PDZD2: variants seen among roughly 807,000 people sequenced by gnomAD.
The protein encoded by PDZD2 is PDZ domain-containing protein 2.
In PDZD2, 90 loss-of-function variants were observed where a neutral mutation model predicts 220.7. The ratio of observed to expected loss-of-function variants is 0.41; its 90% CI spans 0.34 to 0.49. The LOEUF (loss-of-function observed/expected upper bound fraction) is 0.49. Among genes scored for constraint, PDZD2 ranks in the 20% least tolerant of loss-of-function variants. The pLI is 0.28. For missense variants in PDZD2, 3,174 were observed against 3,608.5 expected (o/e 0.88, Z 3.08); for synonymous variants, 1,375 against 1,450.5 (o/e 0.95, Z 1.18).
intron 1 of PDZD2, among the ~76,000 whole-genome samples, chr5:31,795,368 A>G (rs1171620615): frequency 6.6e-6 from 1 of 152,242 alleles, no homozygotes; most frequent in African/African-American, 2.4e-5. Context: ...TCTCAGTAAC[A>G]GAAGCATTTA....
At chr5:31,988,038 C>G (rs1156704524) in intron 3 of PDZD2, among the ~76,000 whole-genome samples, 1 of 152,204 alleles carries the variant, frequency 6.6e-6, no homozygotes, top group Non-Finnish European at 1.5e-5. Flanking sequence ...TGGGCTGTCA[C>G]AGTACTCCCC....
intron 2 of PDZD2, among the ~76,000 whole-genome samples, chr5:31,934,738 TA>T (rs1355916848): frequency 3.3e-5 from 5 of 151,850 alleles, no homozygotes; most frequent in Admixed American, 6.6e-5. Flanking sequence ...ACAAGGCTCC[TA>T]GGGGAAAAAT....
At chr5:31,734,214 G>A (rs1269585335) in intron 1 of PDZD2, among the ~76,000 whole-genome samples, 1 of 152,138 alleles carries the variant, frequency 6.6e-6, no homozygotes, top group African/African-American at 2.4e-5. Context: ...GGGGGAAAGG[G>A]TGCAGGACTT....
chr5:31,840,425 TA>T (rs1475081686), intron 2 of PDZD2: 11,534 of 122,350 alleles, frequency 0.094, 1,534 homozygotes, highest in East Asian at 0.3. Context: ...TATATATATA[TA>T]TATATATATA....
At chr5:31,781,230 G>A (rs1274452577) in intron 1 of PDZD2, among the ~76,000 whole-genome samples, 2 of 152,164 alleles carry the variant, frequency 1.3e-5, no homozygotes, top group Admixed American at 1.3e-4. Flanking sequence ...CCTGGCCAAC[G>A]TGGTAAAACC....
At chr5:31,699,080 A>G (rs1410453973) in intron 1 of PDZD2, among the ~76,000 whole-genome samples, 1 of 152,168 alleles carries the variant, frequency 6.6e-6, no homozygotes, top group East Asian at 1.9e-4. Context: ...ATACGCTGCA[A>G]GCCCTGAGCT....
At chr5:32,040,404 C>G (rs913722465) in intron 7 of PDZD2, among the ~76,000 whole-genome samples, 3 of 145,570 alleles carry the variant, frequency 2.1e-5, no homozygotes, top group Non-Finnish European at 3.0e-5. Context: ...GGCCGCCACC[C>G]TGTCTAGGAA....
chr5:31,854,878 C>A (rs761839466), intron 2 of PDZD2: 397 of 659,802 alleles, frequency 6.0e-4, no homozygotes, highest in Non-Finnish European at 7.0e-4. Context: ...GCATTACAGG[C>A]TTTTCCTAAC....
chr5:31,838,222 T>C (rs1348684528), intron 2 of PDZD2, among the ~76,000 whole-genome samples: 1 of 152,090 alleles, frequency 6.6e-6, no homozygotes, highest in Non-Finnish European at 1.5e-5. Flanking sequence ...CACACCCAGC[T>C]AATTTTTGTA....
At chr5:31,905,138 T>C (rs191260085) in intron 2 of PDZD2, among the ~76,000 whole-genome samples, 58 of 152,088 alleles carry the variant, frequency 3.8e-4, no homozygotes, top group African/African-American at 1.4e-3. Context: ...CCGGCTAATT[T>C]TTTGTATTTT....
rs760055452 is a variant in PDZD2, at chr5:32,074,254, G to T, written c.3148G>T (p.Val1050Leu). 2.4e-5 allele frequency: 39 copies of T among 1,614,208 alleles called. No individual in the cohort carries two copies. Among genetic ancestry groups the T allele is most frequent in the Non-Finnish European group, 3.1e-5 (36 of 1,180,032 alleles). Residue 1050 changes from valine to leucine, a missense_variant, in exon 18 of 25, where the codon GTG (valine) becomes TTG (leucine). This residue lies in a region of PDZD2 where 1,861 missense variants were observed against 2,001.0 expected (regional missense o/e 0.93). Coordinates refer to ENST00000438447, the MANE Select transcript of PDZD2 (RefSeq NM_178140.4). ...DLEESIPEGMVDAASYAANLT... is the reference protein window; with the variant it reads ...DLEESIPEGMLDAASYAANLT... ...AGAGGAGAGTATCCCAGAGGGCATG[G>T]TGGATGCTGCGTCCTATGCAGCCAA...
At chr5:31,975,215 A>C (rs1749639842) in intron 2 of PDZD2, among the ~76,000 whole-genome samples, 1 of 152,236 alleles carries the variant, frequency 6.6e-6, no homozygotes, top group African/African-American at 2.4e-5. Context: ...TAATGGGCTT[A>C]CAGTTCCATG....
chr5:31,839,105 C>T (rs1237960361), intron 2 of PDZD2, among the ~76,000 whole-genome samples: 1 of 152,182 alleles, frequency 6.6e-6, no homozygotes, highest in Non-Finnish European at 1.5e-5. Flanking sequence ...TTGTTAACTG[C>T]AGAAAGACAG....
At chr5:32,084,948 C>CTTTTTTTTTTTT (rs745430355) in intron 19 of PDZD2, among the ~76,000 whole-genome samples, 1 of 94,492 alleles carries the variant, frequency 1.1e-5, no homozygotes, top group Non-Finnish European at 2.0e-5. Context: ...ATTCTGTTGC[C>CTTTTTTTTTTTT]TTTTTTTTTT....
chr5:31,896,323 CGTGTGTGTGTGTGTGTGT>C (rs35229609), intron 2 of PDZD2, among the ~76,000 whole-genome samples: 63 of 136,472 alleles, frequency 4.6e-4, no homozygotes, highest in African/African-American at 1.6e-3. Flanking sequence ...TTGATACTCT[CGTGTGTGTGTGTGTGTGT>C]GTGTGTGTGT....
intron 1 of PDZD2, among the ~76,000 whole-genome samples, chr5:31,678,932 T>G (rs906974525): frequency 6.6e-6 from 1 of 152,158 alleles, no homozygotes; most frequent in Non-Finnish European, 1.5e-5. Flanking sequence ...TCCCCCCTTT[T>G]TAATTATGTC....
intron 6 of PDZD2, among the ~76,000 whole-genome samples, chr5:32,023,501 G>C (rs1240754148): frequency 3.9e-5 from 6 of 152,198 alleles, no homozygotes; most frequent in Non-Finnish European, 8.8e-5. Flanking sequence ...GGGACACTTA[G>C]CAAAGTATGT....
chr5:31,810,014 A>G (rs915442550), intron 2 of PDZD2, among the ~76,000 whole-genome samples: 3 of 152,142 alleles, frequency 2.0e-5, no homozygotes, highest in Non-Finnish European at 2.9e-5. Context: ...TCTTAGCACT[A>G]CTTTCGGGAA....
chr5:32,088,981 G>A lies in PDZD2; in HGVS notation c.5533G>A (p.Val1845Ile), dbSNP rs748596911. 30 of 1,613,878 alleles carry A rather than the reference G, an allele frequency of 1.9e-5. No individual in the cohort carries two copies. Among genetic ancestry groups the A allele is most frequent in the Middle Eastern group, 1.6e-4 (1 of 6,084 alleles). Residue 1845 changes from valine (V) to isoleucine (I), a missense_variant, in exon 20 of 25, where the codon GTT (valine) becomes ATT (isoleucine). Physicochemically the swap from Val to Ile is conservative, Grantham distance 29. Transcript: ENST00000438447. This position sits in a 1 kb window ranked among gnomAD's most constrained non-coding sequence, Gnocchi z 4.6. The part of the protein sequence containing the change: ...QMVSSSQKKG[V>I]TVPHSPPQPK... ...GGTGAGTTCAAGCCAAAAAAAGGGC[G>A]TTACTGTGCCTCATAGCCCTCCTCA... is the stretch of plus-strand genomic sequence containing the variant.
Sources: gnomAD v4.1 joint callset for allele counts (sites outside exome capture counted in the v4.1 genomes callset) on GRCh38, gnomAD v4.1.1 for gene constraint, gnomAD v4.1.1 regional missense constraint, Gnocchi (gnomAD v3.1) non-coding constraint, MANE v1.5 for transcripts, NCBI Gene and HGNC (gene_info 2026-07-23, HGNC 2026-07-21) for gene names.